Variants in SLC15A2 observed in about 807,000 individuals in gnomAD.
SLC15A2 encodes kidney H(+)/peptide cotransporter.
Under a neutral mutation model 95.5 loss-of-function variants are expected in SLC15A2, and 77 were observed. The observed-to-expected ratio is 0.81, with a 90% CI of 0.67 to 0.97. The LOEUF (loss-of-function observed/expected upper bound fraction) is 0.97, where lower values mean the gene tolerates loss of function less well. Ranked by LOEUF, SLC15A2 falls within the 50% of genes least tolerant of loss-of-function variation. The pLI is 0.00. For synonymous variants in SLC15A2, 306 were observed against 306.9 expected (o/e 1.00, Z 0.03); for missense variants, 893 against 874.4 (o/e 1.02, Z -0.27).
chr3:121,935,323 A>C (rs559544048), intron 19 of SLC15A2, among the ~76,000 whole-genome samples: 1 of 152,162 alleles, frequency 6.6e-6, no homozygotes, highest in Non-Finnish European at 1.5e-5. Flanking sequence ...TGATTGGAAT[A>C]GTTTCAGAAG....
At chr3:121,901,229 G>T (rs1468623651) in intron 3 of SLC15A2, among the ~76,000 whole-genome samples, 1 of 152,084 alleles carries the variant, frequency 6.6e-6, no homozygotes, top group Admixed American at 6.6e-5. Context: ...ATGTTGGCCA[G>T]GCTGGTCTCG....
rs868849923 is a variant in SLC15A2 at position 121,912,716 on chromosome 3, T to G, written c.429-305T>G. Among the ~76,000 whole-genome samples the G allele has an allele frequency of 3.3e-5, 5 of 152,248 alleles. No homozygotes were observed. In the Middle Eastern group the frequency reaches 0.01, roughly 311 times the overall value. ...ACCAAAACAAGATTGGGAACCAGTG[T>G]GTTAGCTTTGGAGTTCCTTCAGTAT... On this transcript the variant is annotated intron_variant, in intron 4 of 21. Coordinates refer to ENST00000489711, the MANE Select transcript of SLC15A2 (RefSeq NM_021082.4).
chr3:121,943,416 T>A lies in SLC15A2; in HGVS notation c.*2409T>A, dbSNP rs1710495939. The A allele has an allele frequency of 6.6e-6, 1 of 152,236 alleles. No individual in the cohort carries two copies. The highest frequency in any genetic ancestry group is 2.4e-5 in the African/African-American group (1 of 41,462). 9.4% of individuals were successfully genotyped at this position (152,236 alleles called of 1,614,324 possible). On this transcript the variant is annotated 3_prime_UTR_variant, in exon 22 of 22. Coordinates refer to ENST00000489711, the MANE Select transcript of SLC15A2 (RefSeq NM_021082.4). ...TAATGGTTCCTCACCAGGCATAATTTGTCCTTTTACCATCCTACTTTCTGT... is the reference window on the plus strand; with the variant it reads ...TAATGGTTCCTCACCAGGCATAATTAGTCCTTTTACCATCCTACTTTCTGT...
intron 19 of SLC15A2, among the ~76,000 whole-genome samples, chr3:121,936,524 C>G (rs1394518422): frequency 2.0e-5 from 3 of 151,458 alleles, no homozygotes; most frequent in African/African-American, 7.3e-5. Flanking sequence ...ATGTAATGGC[C>G]TTCTTTGTCT....
intron 3 of SLC15A2, 81 bp downstream of exon 3, chr3:121,897,610 G>T: frequency 7.1e-7 from 1 of 1,402,124 alleles, no homozygotes; most frequent in South Asian, 1.2e-5. Flanking sequence ...TTGCTTCTGA[G>T]TAAGAACATA....
intron 13 of SLC15A2, among the ~76,000 whole-genome samples, chr3:121,926,179 C>A (rs1388225725): frequency 3.3e-5 from 5 of 152,064 alleles, no homozygotes; most frequent in Non-Finnish European, 4.4e-5. Context: ...GGGATCAAAT[C>A]AGGAAAAGTC....
intron 3 of SLC15A2, among the ~76,000 whole-genome samples, chr3:121,900,976 T>C (rs1709508463): frequency 6.7e-6 from 1 of 149,428 alleles, no homozygotes; most frequent in Non-Finnish European, 1.5e-5. Flanking sequence ...ATATATTATA[T>C]GAATGTATAT....
At position 121,942,493 on chromosome 3, in the gene SLC15A2, T is replaced by C. The variant is rs1710480105; in HGVS notation, c.*1486T>C. ...ACCTGTTAATATTAACAGATAATGT[T>C]ACTGTTAACAGGTAAGAGAAATTGC... On this transcript the variant is annotated 3_prime_UTR_variant, in exon 22 of 22. Coordinates refer to ENST00000489711, the MANE Select transcript of SLC15A2 (RefSeq NM_021082.4). The C allele has an allele frequency of 6.6e-6, 1 of 152,236 alleles. No individual in the cohort carries two copies. The highest frequency in any genetic ancestry group is 6.5e-5 in the Admixed American group (1 of 15,278). The allele number at this position is 152,236 out of a possible 1,614,324, so 9.4% of individuals were successfully genotyped here. A position where few individuals can be genotyped will look rare whatever the true frequency, so the allele number is the denominator to read the frequency against.
chr3:121,926,714 G>C (rs1710128732), intron 13 of SLC15A2, among the ~76,000 whole-genome samples: 1 of 152,194 alleles, frequency 6.6e-6, no homozygotes, highest in Non-Finnish European at 1.5e-5. Flanking sequence ...TGAGAAGGGG[G>C]CCACCATCCT....
rs778904221 is a variant in SLC15A2 at position 121,941,023 on chromosome 3, T to C, written c.*16T>C. 1.2e-6 allele frequency: 2 copies of C among 1,604,192 alleles called. No individual in the cohort carries two copies. Among genetic ancestry groups the C allele is most frequent in the East Asian group, 2.2e-5 (1 of 44,832 alleles). On this transcript the variant is annotated 3_prime_UTR_variant, in exon 22 of 22. Coordinates refer to ENST00000489711, the MANE Select transcript of SLC15A2 (RefSeq NM_021082.4). The stretch of plus-strand genomic sequence containing the variant: ...AAAACTCTGATGACTCCCTAGATTC[T>C]GTCCTGACCCCAATTCCTGGCCCTG...
chr3:121,929,679 A>C (rs1710194362), intron 17 of SLC15A2, among the ~76,000 whole-genome samples: 1 of 152,164 alleles, frequency 6.6e-6, no homozygotes, highest in Non-Finnish European at 1.5e-5. Flanking sequence ...GGAAGTGAGA[A>C]AATAATCCTC....
intron 14 of SLC15A2, chr3:121,928,170 A>G (rs1453916162): frequency 1.1e-5 from 6 of 556,160 alleles, no homozygotes; most frequent in Admixed American, 6.5e-5. Flanking sequence ...AATAGCCACT[A>G]TTACGGATGA....
At chr3:121,932,972 T>A (rs1241706892) in intron 19 of SLC15A2, among the ~76,000 whole-genome samples, 1 of 151,810 alleles carries the variant, frequency 6.6e-6, no homozygotes, top group African/African-American at 2.4e-5. Context: ...CCATGTGATC[T>A]CATTGTTCAA....
intron 3 of SLC15A2, among the ~76,000 whole-genome samples, chr3:121,900,153 C>G (rs986236310): frequency 6.6e-6 from 1 of 152,192 alleles, no homozygotes; most frequent in Admixed American, 6.5e-5. Flanking sequence ...TAGCTATATG[C>G]AGATGGCTCC....
In SLC15A2 at chr3:121,925,725, A is replaced by AGTAT. The variant is rs1559850279; in HGVS notation, c.1124+692_1124+693insGTAT. Among the ~76,000 whole-genome samples, 51 of 56,332 alleles carry AGTAT rather than the reference A, an allele frequency of 9.1e-4. 4 individuals are homozygous for AGTAT. Among genetic ancestry groups the AGTAT allele is most frequent in the Non-Finnish European group, 1.1e-3 (34 of 30,582 alleles). 37.0% of individuals were successfully genotyped at this position (56,332 alleles called of 152,430 possible). Reference sequence around the variant, plus strand: ...GTTTATTACTTAGTAAAGGGGCTAGACTATATATATATATATATATATATA... The same window carrying AGTAT: ...GTTTATTACTTAGTAAAGGGGCTAGAGTATCTATATATATATATATATATATATA... On this transcript the variant is annotated intron_variant, in intron 13 of 21. Coordinates refer to ENST00000489711, the MANE Select transcript of SLC15A2 (RefSeq NM_021082.4).
chr3:121,937,786 G>A (rs1285976622), intron 19 of SLC15A2, among the ~76,000 whole-genome samples: 4 of 152,268 alleles, frequency 2.6e-5, no homozygotes, highest in African/African-American at 4.8e-5. Flanking sequence ...TTCTCTATCC[G>A]GCTTTGTTCC....
Position 121,911,555 on chromosome 3 carries a change from G to T in SLC15A2, c.336-19G>T. 6.3e-7 allele frequency: 1 copy of T among 1,576,904 alleles called. No individual in the cohort carries two copies. The highest frequency in any genetic ancestry group is 8.7e-7 in the Non-Finnish European group (1 of 1,146,406). On this transcript the variant is annotated intron_variant, in intron 3 of 21. Coordinates refer to ENST00000489711, the MANE Select transcript of SLC15A2 (RefSeq NM_021082.4). ...TCTCAGTTCTGGTTTTAGACTGACT[G>T]ATTTAGCTCTCTCAACAGGACAATC...
At chr3:121,933,937 G>C (rs1710285059) in intron 19 of SLC15A2, among the ~76,000 whole-genome samples, 1 of 150,758 alleles carries the variant, frequency 6.6e-6, no homozygotes, top group East Asian at 1.9e-4. Context: ...ATTGATTTTT[G>C]TATAAGGTGT....
rs890355808 is a variant in SLC15A2 at position 121,944,157 on chromosome 3, T to C, written c.*3150T>C. The C allele has an allele frequency of 7.9e-5, 12 of 152,226 alleles. No individual in the cohort carries two copies. Among genetic ancestry groups the C allele is most frequent in the Non-Finnish European group, 1.5e-4 (10 of 68,038 alleles). 9.4% of individuals were successfully genotyped at this position (152,226 alleles called of 1,614,324 possible). ...CTGCAATATAGAGTTTTTCTTAACA[T>C]TTGCATATTAAAGACTCTGACTATA... On this transcript the variant is annotated 3_prime_UTR_variant, in exon 22 of 22. Coordinates refer to ENST00000489711, the MANE Select transcript of SLC15A2 (RefSeq NM_021082.4).
Sources: allele counts gnomAD v4.1 joint callset (sites outside exome capture counted in the v4.1 genomes callset), GRCh38; gene constraint gnomAD v4.1.1; transcripts MANE v1.5; gene names NCBI Gene and HGNC (gene_info 2026-07-23, HGNC 2026-07-21).